Variants in AKAP6 observed in about 807,000 individuals in gnomAD.
The protein encoded by AKAP6 is A-kinase anchoring protein 6.
Under a neutral mutation model 188.5 loss-of-function variants are expected in AKAP6, and 58 were observed. That is an observed-to-expected ratio of 0.31 (90% CI 0.25 to 0.38). The LOEUF (loss-of-function observed/expected upper bound fraction) is 0.38, where lower values mean the gene tolerates loss of function less well. AKAP6 is among the 10% of genes least tolerant of loss of function. AKAP6 has a pLI of 1.00. For synonymous variants in AKAP6, 989 were observed against 998.6 expected (o/e 0.99, Z 0.18); for missense variants, 2,710 against 2,740.0 (o/e 0.99, Z 0.24).
At chr14:32,451,754 A>T (rs1050732887) in intron 2 of AKAP6, among the ~76,000 whole-genome samples, 1 of 152,128 alleles carries the variant, frequency 6.6e-6, no homozygotes, top group African/African-American at 2.4e-5. Context: ...ATTTAAATAA[A>T]TTATAATGAA....
chr14:32,492,355 T>TATATATATAGAGAG lies in AKAP6; in HGVS notation c.325-43198_325-43197insTATATATAGAGAGA. ...ACATTGTAATATATATATATATATA[T>TATATATATAGAGAG]AGAGAGAGAGAGAGAGAGAGAGAGA... On this transcript the variant is annotated intron_variant, in intron 2 of 13. Transcript: ENST00000280979. Among the ~76,000 whole-genome samples the TATATATATAGAGAG allele has an allele frequency of 8.2e-4, 68 of 82,606 alleles. No homozygotes were observed. The East Asian group carries it at 0.011, about 14-fold the overall frequency. The allele number at this position is 82,606 out of a possible 152,430, so 54.2% of individuals were successfully genotyped here. A position where few individuals can be genotyped will look rare whatever the true frequency, so the allele number is the denominator to read the frequency against.
intron 12 of AKAP6, among the ~76,000 whole-genome samples, chr14:32,804,937 C>T (rs796922941): frequency 6.6e-6 from 1 of 152,056 alleles, no homozygotes; most frequent in Non-Finnish European, 1.5e-5. Flanking sequence ...TGCCCAACCC[C>T]ACAGGCAGTC....
At chr14:32,550,626 T>C (rs1000914616) in intron 4 of AKAP6, among the ~76,000 whole-genome samples, 2 of 152,224 alleles carry the variant, frequency 1.3e-5, no homozygotes, top group Admixed American at 6.5e-5. Flanking sequence ...TGGCCTTGGC[T>C]ATCACACTCT....
chr14:32,624,991 G>A (rs1886958594), intron 7 of AKAP6, among the ~76,000 whole-genome samples: 1 of 152,112 alleles, frequency 6.6e-6, no homozygotes, highest in Non-Finnish European at 1.5e-5. Context: ...GAGTCATACA[G>A]TGAATAATTA....
intron 12 of AKAP6, among the ~76,000 whole-genome samples, chr14:32,798,682 T>A (rs1250653759): frequency 6.6e-6 from 1 of 151,862 alleles, no homozygotes; most frequent in Non-Finnish European, 1.5e-5. Context: ...TGAGTACACA[T>A]GGACACAAAA....
chr14:32,584,992 GCATAGTGAATAACTGT>G (rs969107898), intron 5 of AKAP6, among the ~76,000 whole-genome samples: 3 of 151,186 alleles, frequency 2.0e-5, no homozygotes, highest in African/African-American at 7.3e-5. Context: ...ATAAATAGAA[GCATAGTGAATAACTGT>G]CATAAATAGT....
chr14:32,410,425 C>A (rs1458302506), intron 1 of AKAP6, among the ~76,000 whole-genome samples: 1 of 152,068 alleles, frequency 6.6e-6, no homozygotes, highest in African/African-American at 2.4e-5. Flanking sequence ...GTTGTCCTGC[C>A]TTTCCAAACC....
intron 3 of AKAP6, 50 bp from the exon 4 acceptor site, chr14:32,545,180 G>T: frequency 6.6e-7 from 1 of 1,523,796 alleles, no homozygotes; most frequent in Non-Finnish European, 9.0e-7. Context: ...AGCAGCTGAT[G>T]TTGTAATTGA....
At chr14:32,706,712 C>T (rs886521605) in intron 9 of AKAP6, among the ~76,000 whole-genome samples, 1 of 152,124 alleles carries the variant, frequency 6.6e-6, no homozygotes, top group African/African-American at 2.4e-5. Context: ...ACTTCTGTGA[C>T]ACTCTATCCC....
intron 5 of AKAP6, among the ~76,000 whole-genome samples, chr14:32,587,756 A>G (rs1885314125): frequency 6.6e-6 from 1 of 152,238 alleles, no homozygotes; most frequent in Admixed American, 6.5e-5. Flanking sequence ...AGGACAGCCC[A>G]CTGCTCTACA....
intron 2 of AKAP6, among the ~76,000 whole-genome samples, chr14:32,470,813 C>A (rs1026710192): frequency 7.2e-5 from 11 of 152,266 alleles, no homozygotes; most frequent in Non-Finnish European, 1.0e-4. Context: ...TTACCCATCT[C>A]TTTCTTCTAT....
intron 11 of AKAP6, among the ~76,000 whole-genome samples, chr14:32,773,033 A>T: frequency 6.6e-6 from 1 of 152,186 alleles, no homozygotes; most frequent in East Asian, 1.9e-4. Context: ...GTCCTTCTTA[A>T]ATAGTGTGAA....
intron 4 of AKAP6, among the ~76,000 whole-genome samples, chr14:32,559,781 ATCT>A (rs1883867741): frequency 7.6e-6 from 1 of 131,648 alleles, no homozygotes; most frequent in African/African-American, 3.5e-5. Context: ...TCTAAGCCTA[ATCT>A]TTTTTTTTTT....
intron 7 of AKAP6, among the ~76,000 whole-genome samples, chr14:32,622,782 G>A (rs1326069386): frequency 6.6e-6 from 1 of 152,084 alleles, no homozygotes; most frequent in Non-Finnish European, 1.5e-5. Context: ...AGCTTTGAGT[G>A]GGACATAGAA....
intron 1 of AKAP6, among the ~76,000 whole-genome samples, chr14:32,347,192 A>G (rs1253348036): frequency 6.6e-6 from 1 of 152,256 alleles, no homozygotes; most frequent in Non-Finnish European, 1.5e-5. Context: ...AGACAAGGAC[A>G]GATTAGGGAT....
chr14:32,833,655 T>C lies in AKAP6; in HGVS notation c.*3850T>C, dbSNP rs2034844182. On this transcript the variant is annotated 3_prime_UTR_variant, in exon 14 of 14. Transcript: ENST00000280979. ...CCTAGAAACAAACTAGATGAAAATA[T>C]CAATGAAATGATCCAGGTCTGTCTT... 1 of 152,200 alleles carries C rather than the reference T, an allele frequency of 6.6e-6. No individual in the cohort carries two copies. Among genetic ancestry groups the C allele is most frequent in the Non-Finnish European group, 1.5e-5 (1 of 68,024 alleles). 9.4% of individuals were successfully genotyped at this position (152,200 alleles called of 1,614,324 possible).
At chr14:32,412,286 T>G (rs1327990706) in intron 1 of AKAP6, among the ~76,000 whole-genome samples, 1 of 152,214 alleles carries the variant, frequency 6.6e-6, no homozygotes, top group Non-Finnish European at 1.5e-5. Context: ...CATTTACATA[T>G]TCAGTACAAG....
At chr14:32,711,064 C>T (rs1470688032) in intron 9 of AKAP6, among the ~76,000 whole-genome samples, 1 of 152,012 alleles carries the variant, frequency 6.6e-6, no homozygotes, top group East Asian at 1.9e-4. Flanking sequence ...TAAATAATAA[C>T]TATTATGGCA....
chr14:32,348,075 C>G (rs948865666), intron 1 of AKAP6, among the ~76,000 whole-genome samples: 1 of 152,186 alleles, frequency 6.6e-6, no homozygotes, highest in Non-Finnish European at 1.5e-5. Flanking sequence ...TAGTAAGATA[C>G]AGATGAAGTG....
Sources: allele counts gnomAD v4.1 joint callset (sites outside exome capture counted in the v4.1 genomes callset), GRCh38; gene constraint gnomAD v4.1.1; transcripts MANE v1.5; gene names NCBI Gene and HGNC (gene_info 2026-07-23, HGNC 2026-07-21).